The following APLF variants were observed in gnomAD, a reference collection of about 807,000 sequenced individuals.
APLF encodes aprataxin and PNKP like factor.
A neutral mutation model predicts 55.6 loss-of-function variants in APLF; 61 were observed. The ratio of observed to expected loss-of-function variants is 1.10; its 90% CI spans 0.89 to 1.36. The LOEUF (loss-of-function observed/expected upper bound fraction) is 1.36, where lower values mean the gene tolerates loss of function less well. APLF is among the 40% of genes most tolerant of loss of function. The probability of loss-of-function intolerance (pLI) is 0.00; values close to 1 mark genes in which losing one functional copy is unlikely to be tolerated. For missense variants in APLF, 611 were observed against 602.5 expected (o/e 1.01, Z -0.15); for synonymous variants, 207 against 214.8 (o/e 0.96, Z 0.32).
intron 1 of APLF, among the ~76,000 whole-genome samples, chr2:68,481,867 A>T (rs1034513469): frequency 6.6e-6 from 1 of 151,734 alleles, no homozygotes; most frequent in African/African-American, 2.4e-5. Flanking sequence ...CTTCTGCTTG[A>T]TATAGTCTGG....
intron 5 of APLF, among the ~76,000 whole-genome samples, chr2:68,525,393 C>T (rs937544698): frequency 1.3e-5 from 2 of 151,996 alleles, no homozygotes; most frequent in African/African-American, 4.8e-5. Context: ...AGCTATAAGT[C>T]AGATTTTCTG....
At chr2:68,477,278 G>A (rs931576148) in intron 1 of APLF, among the ~76,000 whole-genome samples, 8 of 152,134 alleles carry the variant, frequency 5.3e-5, no homozygotes, top group Non-Finnish European at 7.3e-5. Context: ...TTACGACAAC[G>A]TGTGATGTGA....
intron 6 of APLF, among the ~76,000 whole-genome samples, chr2:68,535,756 G>T (rs796402820): frequency 3.3e-5 from 5 of 151,840 alleles, no homozygotes; most frequent in African/African-American, 1.2e-4. Flanking sequence ...TTCCCTTTAT[G>T]GTTTATTGAA....
intron 6 of APLF, among the ~76,000 whole-genome samples, chr2:68,533,096 G>C (rs934620473): frequency 9.9e-5 from 15 of 151,976 alleles, no homozygotes; most frequent in Non-Finnish European, 1.8e-4. Context: ...GTAGAAGTGG[G>C]TTTACACTCT....
intron 7 of APLF, among the ~76,000 whole-genome samples, chr2:68,540,760 G>A (rs913383596): frequency 6.6e-6 from 1 of 151,104 alleles, no homozygotes; most frequent in Admixed American, 6.6e-5. Flanking sequence ...CCAATAGGGT[G>A]TATGTGCATG....
At chr2:68,469,153 C>T (rs1021366383) in intron 1 of APLF, among the ~76,000 whole-genome samples, 1 of 151,952 alleles carries the variant, frequency 6.6e-6, no homozygotes, top group African/African-American at 2.4e-5. Context: ...CTATTTTTTT[C>T]ATCGTTTGTT....
intron 6 of APLF, chr2:68,528,398 G>A (rs1670144407): frequency 6.5e-7 from 1 of 1,534,272 alleles, no homozygotes; most frequent in Non-Finnish European, 8.7e-7. Context: ...AGATAGACAT[G>A]GAAGCTTAGC....
At chr2:68,483,371 A>T (rs79639954) in intron 1 of APLF, among the ~76,000 whole-genome samples, 3,907 of 152,290 alleles carry the variant, frequency 0.026, 67 homozygotes, top group South Asian at 0.043. Context: ...GCTCCCAGCC[A>T]GTCTCACTGG....
chr2:68,497,685 A>G (rs1676593829), intron 2 of APLF, among the ~76,000 whole-genome samples: 1 of 151,664 alleles, frequency 6.6e-6, no homozygotes, highest in Admixed American at 6.6e-5. Flanking sequence ...TCTCATGAGA[A>G]CTCATTATCT....
rs751682508 is a variant in APLF at position 68,537,847 on chromosome 2, G to A, written c.805-25G>A. The A allele has an allele frequency of 8.9e-6, 13 of 1,465,248 alleles. No individual in the cohort carries two copies. The South Asian group carries it at 1.6e-4, about 18-fold the overall frequency. The allele number at this position is 1,465,248 out of a possible 1,614,324, so 90.8% of individuals were successfully genotyped here. On this transcript the variant is annotated intron_variant, in intron 6 of 9. Coordinates refer to ENST00000303795, the MANE Select transcript of APLF (RefSeq NM_173545.3). ...TTTTAAAAATGTTTCATTTATTTCT[G>A]ATGTTTTTCATATTTGTTTTACAGG...
intron 2 of APLF, among the ~76,000 whole-genome samples, chr2:68,496,978 A>C (rs891294803): frequency 6.6e-6 from 1 of 152,174 alleles, no homozygotes; most frequent in Non-Finnish European, 1.5e-5. Flanking sequence ...GGAGTTCTGA[A>C]GTCACTTCCA....
At chr2:68,557,604 A>G (rs930377392) in intron 8 of APLF, among the ~76,000 whole-genome samples, 11 of 152,214 alleles carry the variant, frequency 7.2e-5, no homozygotes, top group Non-Finnish European at 1.3e-4. Flanking sequence ...CTATCAATCT[A>G]TTTGTAGTTA....
chr2:68,492,351 G>A (rs1454659495), intron 2 of APLF, among the ~76,000 whole-genome samples: 6 of 152,066 alleles, frequency 3.9e-5, no homozygotes, highest in East Asian at 1.9e-4. Flanking sequence ...GGTGGTGGGC[G>A]CCTGTAGTCC....
At chr2:68,553,075 A>C (rs909452278) in intron 8 of APLF, among the ~76,000 whole-genome samples, 2 of 152,130 alleles carry the variant, frequency 1.3e-5, no homozygotes, top group African/African-American at 4.8e-5. Flanking sequence ...AGATAAAACC[A>C]AATCTCTTCC....
chr2:68,478,263 A>C (rs1326949436), intron 1 of APLF, among the ~76,000 whole-genome samples: 1 of 152,220 alleles, frequency 6.6e-6, no homozygotes, highest in Non-Finnish European at 1.5e-5. Flanking sequence ...ATTTCAAAAT[A>C]AATGAATACA....
chr2:68,496,022 G>C (rs1026440597), intron 2 of APLF, among the ~76,000 whole-genome samples: 1 of 152,250 alleles, frequency 6.6e-6, no homozygotes, highest in African/African-American at 2.4e-5. Flanking sequence ...TGTGATAAGA[G>C]GGGCTGCCAT....
rs138193371 is a variant in APLF, at chr2:68,549,580, T to C, written c.1286+4268T>C. Among the ~76,000 whole-genome samples the C allele has an allele frequency of 4.1e-3, 621 of 152,142 alleles. 3 individuals carry two copies. The highest frequency in any genetic ancestry group is 0.014 in the African/African-American group (591 of 41,468). Reference sequence around the variant, plus strand: ...TTTTGGCCCAGCATATGGGTGACTTTTATTGAACATATGGTGTGCACTTAC... The same window carrying C: ...TTTTGGCCCAGCATATGGGTGACTTCTATTGAACATATGGTGTGCACTTAC... On this transcript the variant is annotated intron_variant, in intron 8 of 9. Transcript: ENST00000303795.
At chr2:68,570,964 C>G (rs1199549268) in intron 9 of APLF, among the ~76,000 whole-genome samples, 3 of 152,130 alleles carry the variant, frequency 2.0e-5, no homozygotes, top group Admixed American at 6.6e-5. Context: ...CCTGTTGTTT[C>G]CTGACTTTTT....
At chr2:68,518,517 T>G (rs1235275988) in intron 5 of APLF, among the ~76,000 whole-genome samples, 1 of 116,982 alleles carries the variant, frequency 8.5e-6, no homozygotes, top group African/African-American at 3.5e-5. Flanking sequence ...GTTAATATAT[T>G]ATTATATTAT....
Sources: gnomAD v4.1 joint callset for allele counts (sites outside exome capture counted in the v4.1 genomes callset) on GRCh38, gnomAD v4.1.1 for gene constraint, MANE v1.5 for transcripts, NCBI Gene and HGNC (gene_info 2026-07-23, HGNC 2026-07-21) for gene names.